Variants in SMIM14 observed in about 807,000 individuals in gnomAD.
SMIM14 encodes small integral membrane protein 14.
In SMIM14, 5 loss-of-function variants were observed where a neutral mutation model predicts 12.6. That is an observed-to-expected ratio of 0.40 (90% confidence interval 0.21 to 0.83). The LOEUF (loss-of-function observed/expected upper bound fraction) is 0.83. Ranked by LOEUF, SMIM14 falls within the 40% of genes least tolerant of loss-of-function variation. The pLI, the probability that SMIM14 is intolerant of heterozygous loss-of-function variation, is 0.37. For missense variants in SMIM14, 86 were observed against 119.1 expected (o/e 0.72, Z 1.29); for synonymous variants, 30 against 40.1 (o/e 0.75, Z 0.95).
At chr4:39,598,563 T>C (rs1039062379) in intron 2 of SMIM14, among the ~76,000 whole-genome samples, 6 of 149,186 alleles carry the variant, frequency 4.0e-5, no homozygotes, top group African/African-American at 1.5e-4. Context: ...TTCCATCCCC[T>C]AATAATGGTT....
At chr4:39,625,786 T>A (rs1353258521) in intron 1 of SMIM14, among the ~76,000 whole-genome samples, 2 of 152,214 alleles carry the variant, frequency 1.3e-5, no homozygotes, top group Non-Finnish European at 2.9e-5. Flanking sequence ...GACACCCTTT[T>A]CAGAGGGCAT....
At chr4:39,638,354 G>C in intron 1 of SMIM14, 1 of 576,578 alleles carries the variant, frequency 1.7e-6, no homozygotes, top group Non-Finnish European at 2.2e-6. Flanking sequence ...CGGTAAACAA[G>C]ATAGTGTGGA....
chr4:39,638,463 C>A, intron 1 of SMIM14: 1 of 985,416 alleles, frequency 1.0e-6, no homozygotes, highest in Non-Finnish European at 1.2e-6. Context: ...ATAAAACCAC[C>A]CGTGGCTACC....
intron 2 of SMIM14, among the ~76,000 whole-genome samples, chr4:39,591,713 GCC>G (rs1253771877): frequency 6.6e-6 from 1 of 151,562 alleles, no homozygotes; most frequent in African/African-American, 2.4e-5. Flanking sequence ...CCACCACCAG[GCC>G]CAGCTAATTT....
At chr4:39,619,242 ATAATT>A (rs1373229182) in intron 1 of SMIM14, among the ~76,000 whole-genome samples, 3 of 133,988 alleles carry the variant, frequency 2.2e-5, no homozygotes, top group Admixed American at 1.6e-4. Flanking sequence ...ATCAATAAAT[ATAATT>A]TATTCTATAT....
chr4:39,605,419 C>A (rs764208935), intron 1 of SMIM14, among the ~76,000 whole-genome samples: 1 of 152,142 alleles, frequency 6.6e-6, no homozygotes, highest in Non-Finnish European at 1.5e-5. Context: ...ATGCTCTAAA[C>A]TGGCCCCACC....
At chr4:39,632,034 A>G (rs1715917503) in intron 1 of SMIM14, among the ~76,000 whole-genome samples, 1 of 152,208 alleles carries the variant, frequency 6.6e-6, no homozygotes, top group Admixed American at 6.5e-5. Context: ...AAGCCCTACT[A>G]TACACCTAAA....
intron 2 of SMIM14, among the ~76,000 whole-genome samples, chr4:39,602,420 C>A (rs532250425): frequency 6.6e-6 from 1 of 152,180 alleles, no homozygotes; most frequent in East Asian, 1.9e-4. Context: ...CATGGTAAAA[C>A]CCCATCTCTA....
At chr4:39,552,335 G>T (rs1711759683) in intron 4 of SMIM14, among the ~76,000 whole-genome samples, 177 bp from the exon 5 acceptor site, 1 of 151,940 alleles carries the variant, frequency 6.6e-6, no homozygotes, top group South Asian at 2.1e-4. Flanking sequence ...ATGCTTATTT[G>T]GACTTTTCAT....
At chr4:39,599,216 G>GT (rs1296905483) in intron 2 of SMIM14, among the ~76,000 whole-genome samples, 3 of 152,122 alleles carry the variant, frequency 2.0e-5, no homozygotes, top group African/African-American at 7.2e-5. Flanking sequence ...TTGACCCTTA[G>GT]TGTGTGACCT....
intron 3 of SMIM14, among the ~76,000 whole-genome samples, chr4:39,569,925 C>T (rs768131908): frequency 6.6e-5 from 10 of 152,090 alleles, no homozygotes; most frequent in Non-Finnish European, 1.0e-4. Context: ...TATAAACAAA[C>T]CTTACTCCAT....
intron 1 of SMIM14, among the ~76,000 whole-genome samples, chr4:39,620,210 T>A (rs1459784131): frequency 6.7e-6 from 1 of 150,196 alleles, no homozygotes; most frequent in East Asian, 1.9e-4. Context: ...ATGGGCGCTG[T>A]GGCTCACGCC....
chr4:39,605,567 C>G (rs1714772685), intron 1 of SMIM14, among the ~76,000 whole-genome samples: 1 of 151,664 alleles, frequency 6.6e-6, no homozygotes, highest in Non-Finnish European at 1.5e-5. Flanking sequence ...AAAATGATAC[C>G]AAGGTTTATG....
rs1014672432 is a variant in SMIM14 at position 39,550,128 on chromosome 4, A to G, written c.*1998T>C. Reference sequence around the variant, plus strand: ...GATACAGAGAATTTATTCAATTCATACAAGTAATTTACCAGATCTAAACAG... The same window carrying G: ...GATACAGAGAATTTATTCAATTCATGCAAGTAATTTACCAGATCTAAACAG... On this transcript the variant is annotated 3_prime_UTR_variant, in exon 5 of 5. Coordinates refer to ENST00000295958, the MANE Select transcript of SMIM14 (RefSeq NM_174921.3). 6 of 152,236 alleles carry G rather than the reference A, an allele frequency of 3.9e-5. No individual in the cohort carries two copies. The highest frequency in any genetic ancestry group is 3.3e-4 in the Admixed American group (5 of 15,284). 9.4% of individuals were successfully genotyped at this position (152,236 alleles called of 1,614,324 possible).
intron 1 of SMIM14, among the ~76,000 whole-genome samples, chr4:39,618,615 A>T (rs1372532546): frequency 7.3e-6 from 1 of 136,096 alleles, no homozygotes; most frequent in Non-Finnish European, 1.5e-5. Flanking sequence ...GCACCACTGC[A>T]CTCCAGCCTG....
At chr4:39,581,812 C>G (rs1005310037) in intron 2 of SMIM14, among the ~76,000 whole-genome samples, 1 of 151,880 alleles carries the variant, frequency 6.6e-6, no homozygotes, top group African/African-American at 2.4e-5. Flanking sequence ...ATCCACACAC[C>G]TGGGCCTTCC....
At chr4:39,574,237 CTTTTT>C (rs11338888) in intron 2 of SMIM14, among the ~76,000 whole-genome samples, 1 of 126,884 alleles carries the variant, frequency 7.9e-6, no homozygotes. Flanking sequence ...CTGCAACTTT[CTTTTT>C]TTTTTTTTTT....
intron 3 of SMIM14, among the ~76,000 whole-genome samples, chr4:39,567,895 A>G (rs1712662156): frequency 6.6e-6 from 1 of 152,150 alleles, no homozygotes; most frequent in Non-Finnish European, 1.5e-5. Context: ...ACAAAGTGAG[A>G]CCCTGTCTCA....
At position 39,550,473 on chromosome 4, in the gene SMIM14, G is replaced by A. The variant is rs1267751211; in HGVS notation, c.*1653C>T. Reference sequence around the variant, plus strand: ...ATTTTTGCATTTTTAGTAGAGATAAGGTTTCACCATGTTGGTCAGGCTGGT... The same window carrying A: ...ATTTTTGCATTTTTAGTAGAGATAAAGTTTCACCATGTTGGTCAGGCTGGT... On this transcript the variant is annotated 3_prime_UTR_variant, in exon 5 of 5. Transcript: ENST00000295958. 2.0e-5 allele frequency: 3 copies of A among 152,148 alleles called. No individual in the cohort carries two copies. Among genetic ancestry groups the A allele is most frequent in the African/African-American group, 7.2e-5 (3 of 41,416 alleles). 9.4% of individuals were successfully genotyped at this position (152,148 alleles called of 1,614,324 possible).
Sources: allele counts gnomAD v4.1 joint callset (sites outside exome capture counted in the v4.1 genomes callset), GRCh38; gene constraint gnomAD v4.1.1; transcripts MANE v1.5; gene names NCBI Gene and HGNC (gene_info 2026-07-23, HGNC 2026-07-21).